HIGD1C: variants seen among roughly 807,000 people sequenced by gnomAD.
HIGD1C encodes HIG1 hypoxia inducible domain family member 1C.
A neutral mutation model predicts 13.1 loss-of-function variants in HIGD1C; 11 were observed. That is an observed-to-expected ratio of 0.84 (90% CI 0.53 to 1.39). The LOEUF is 1.39. Ranked by LOEUF, HIGD1C falls within the 40% of genes most tolerant of loss-of-function variation. The pLI is 0.00. For synonymous variants in HIGD1C, 36 were observed against 37.7 expected (o/e 0.95, Z 0.17); for missense variants, 110 against 112.0 (o/e 0.98, Z 0.08).
At chr12:50,951,048 T>G (rs985113787), upstream of HIGD1C, among the ~76,000 whole-genome samples, 11 of 152,024 alleles carry the variant, frequency 7.2e-5, no homozygotes, top group African/African-American at 2.7e-4. Context: ...AATTAATGGA[T>G]TCAAGCAAGG....
the HIGD1C span, among the ~76,000 whole-genome samples, chr12:50,947,316 C>T: frequency 3.0e-4 from 46 of 152,320 alleles, no homozygotes; most frequent in Admixed American, 6.5e-4. Flanking sequence ...AAGTCCAAAA[C>T]GGGTCTCACT....
intron 1 of HIGD1C, among the ~76,000 whole-genome samples, chr12:50,958,316 C>T (rs1273847148): frequency 7.0e-6 from 1 of 142,292 alleles, no homozygotes; most frequent in African/African-American, 2.7e-5. Context: ...GAGTCTTGCT[C>T]TGTTGCCCAG....
chr12:50,945,563 G>A, the HIGD1C span, among the ~76,000 whole-genome samples: 1 of 152,116 alleles, frequency 6.6e-6, no homozygotes, highest in Non-Finnish European at 1.5e-5. Flanking sequence ...ACAAACCACT[G>A]CTCAACGAAA....
At chr12:50,953,924 T>A (rs943263144) in exon 1 of HIGD1C, 6 of 832,340 alleles carry the variant, frequency 7.2e-6, no homozygotes, top group Non-Finnish European at 1.2e-5. Context: ...AAGAGTATGA[T>A]GGGAGAGGAA....
upstream of HIGD1C, chr12:50,953,888 A>G: frequency 1.6e-6 from 1 of 628,266 alleles, no homozygotes; most frequent in Non-Finnish European, 2.8e-6. Context: ...CTTATCAAAC[A>G]AATGAAAACA....
chr12:50,963,371 A>G (rs1292158851), intron 2 of HIGD1C, among the ~76,000 whole-genome samples: 2 of 47,984 alleles, frequency 4.2e-5, no homozygotes, highest in South Asian at 1.3e-3. Context: ...CTCCATCTCA[A>G]AAAAAAAAAA....
chr12:50,934,576 T>C, the HIGD1C span, among the ~76,000 whole-genome samples: 23,297 of 152,264 alleles, frequency 0.15, 1,973 homozygotes, highest in South Asian at 0.27. Context: ...AAATGTTTTC[T>C]ATAGATGAGG....
chr12:50,967,634 C>T (rs1250293098), intron 2 of HIGD1C, among the ~76,000 whole-genome samples: 1 of 152,160 alleles, frequency 6.6e-6, no homozygotes, highest in Non-Finnish European at 1.5e-5. Context: ...TGTTAGCATC[C>T]TCCTTATAAC....
exon 1 of HIGD1C, chr12:50,953,954 AT>A (rs1938992757): frequency 1.8e-6 from 2 of 1,140,854 alleles, no homozygotes; most frequent in African/African-American, 3.1e-5. Flanking sequence ...ATTTTTAATG[AT>A]TCACGGCAAC....
intron 1 of HIGD1C, among the ~76,000 whole-genome samples, chr12:50,957,843 C>A (rs1939158815): frequency 6.6e-6 from 1 of 151,864 alleles, no homozygotes; most frequent in Non-Finnish European, 1.5e-5. Context: ...CGAGATCATG[C>A]CACTGCACTC....
At chr12:50,947,692 T>G in the HIGD1C span, among the ~76,000 whole-genome samples, 1 of 151,964 alleles carries the variant, frequency 6.6e-6, no homozygotes, top group African/African-American at 2.4e-5. Flanking sequence ...TTTCTGGGAG[T>G]GGTGAAGAGG....
At chr12:50,933,076 G>A in the HIGD1C span, among the ~76,000 whole-genome samples, 1 of 152,220 alleles carries the variant, frequency 6.6e-6, no homozygotes, top group South Asian at 2.1e-4. Context: ...TCTTGTCTAA[G>A]TGGTGTGGCA....
Position 50,958,363 on chromosome 12 carries a change from G to A in HIGD1C, c.95-2605G>A, listed in dbSNP as rs1008855565. On this transcript the variant is annotated intron_variant, in intron 1 of 2. Coordinates refer to ENST00000398455, the Ensembl canonical transcript of HIGD1C. ...GTGGCACTATCTCGGCTCACTGCAA[G>A]CTCTGCCTCCCGGGTTCACACCATT... Among the ~76,000 whole-genome samples the A allele has an allele frequency of 2.0e-5, 3 of 148,696 alleles. No homozygotes were observed. In the East Asian group the frequency reaches 6.0e-4, roughly 30 times the overall value.
chr12:50,933,430 C>T, the HIGD1C span, among the ~76,000 whole-genome samples: 11 of 152,354 alleles, frequency 7.2e-5, no homozygotes, highest in African/African-American at 2.4e-4. Context: ...TCCAAACAGA[C>T]TTAAGCAGAA....
rs372681828 is a variant in HIGD1C at position 50,961,037 on chromosome 12, T to C, written c.164T>C (p.Met55Thr). The change falls in exon 2 of 3, where the codon ATG becomes ACG. Residue 55 changes from methionine to threonine, a missense_variant. Coordinates refer to ENST00000398455, the Ensembl canonical transcript of HIGD1C. Reference sequence around the variant, plus strand: ...CTAAAGTACAGAAGAGATCAGAAAATGTCAATTCATCTTATTCACATGAGA... The same window carrying C: ...CTAAAGTACAGAAGAGATCAGAAAACGTCAATTCATCTTATTCACATGAGA... 5.0e-6 allele frequency: 8 copies of C among 1,613,394 alleles called. No individual in the cohort carries two copies. In the African/African-American group the frequency reaches 9.3e-5, roughly 19 times the overall value.
chr12:50,965,193 A>G (rs145050548), intron 2 of HIGD1C, among the ~76,000 whole-genome samples: 2 of 152,100 alleles, frequency 1.3e-5, no homozygotes, highest in African/African-American at 4.8e-5. Flanking sequence ...GGCTCGCTAC[A>G]GCCCCAAACT....
At chr12:50,970,685 C>A (rs1241374208), downstream of HIGD1C, among the ~76,000 whole-genome samples, 2 of 152,160 alleles carry the variant, frequency 1.3e-5, no homozygotes, top group South Asian at 2.1e-4. Context: ...CATAAACAGT[C>A]AACTCAGAAA....
the HIGD1C span, among the ~76,000 whole-genome samples, chr12:50,932,950 T>C: frequency 6.6e-6 from 1 of 151,932 alleles, no homozygotes; most frequent in African/African-American, 2.4e-5. Context: ...CATCTCACTA[T>C]TGGTCAGTCT....
intron 1 of HIGD1C, among the ~76,000 whole-genome samples, chr12:50,955,586 G>C (rs1016799698): frequency 2.0e-5 from 3 of 152,156 alleles, no homozygotes; most frequent in Non-Finnish European, 1.5e-5. Flanking sequence ...AGGTATGTCA[G>C]ATGTTCCCGT....
Sources: gnomAD v4.1 joint callset for allele counts (sites outside exome capture counted in the v4.1 genomes callset) on GRCh38, gnomAD v4.1.1 for gene constraint, MANE v1.5 for transcripts, NCBI Gene and HGNC (gene_info 2026-07-23, HGNC 2026-07-21) for gene names.